SOAT1: variants seen among roughly 807,000 people sequenced by gnomAD.
SOAT1 encodes the protein sterol O-acyltransferase 1, also known as acyl-coenzyme A:cholesterol acyltransferase 1.
A neutral mutation model predicts 69.5 loss-of-function variants in SOAT1; 55 were observed. The observed-to-expected ratio is 0.79, with a 90% CI of 0.64 to 0.99. The LOEUF is 0.99. SOAT1 is among the 50% of genes least tolerant of loss of function. SOAT1 has a pLI of 0.00. For synonymous variants in SOAT1, 231 were observed against 224.7 expected, an observed-to-expected ratio of 1.03 and a Z score of -0.25; for missense variants, 580 against 669.3, an observed-to-expected ratio of 0.87 and a Z score of 1.47.
At chr1:179,295,966 ATTTTTTTTTTTT>A (rs58893158) in intron 1 of SOAT1, among the ~76,000 whole-genome samples, 1 of 51,982 alleles carries the variant, frequency 1.9e-5, no homozygotes, top group African/African-American at 8.7e-5. Flanking sequence ...CGCCCGGCTA[ATTTTTTTTTTTT>A]TTTTTTTTTT....
chr1:179,338,580 G>C (rs555572886), intron 5 of SOAT1, among the ~76,000 whole-genome samples: 6 of 152,276 alleles, frequency 3.9e-5, no homozygotes, highest in Admixed American at 3.9e-4. Context: ...GTAATGTATA[G>C]TGTTAAGTGT....
rs1461597259 is a variant in SOAT1, at chr1:179,350,237, A to C, written c.1315-59A>C. On this transcript the variant is annotated intron_variant, in intron 13 of 15. Coordinates refer to ENST00000367619, the MANE Select transcript of SOAT1 (RefSeq NM_003101.6). ...TGGCATATAATTTTACATCCTATAT[A>C]ATCCATGCTTGCTTTAAATTTTTAA... 2.8e-6 allele frequency: 4 copies of C among 1,445,606 alleles called. No homozygotes were observed. The African/African-American group carries it at 5.7e-5, about 20-fold the overall frequency. 89.5% of individuals were successfully genotyped at this position (1,445,606 alleles called of 1,614,324 possible).
Position 179,345,081 on chromosome 1 carries a change from C to T in SOAT1, c.1117+5C>T, listed in dbSNP as rs767986912. 1.2e-6 allele frequency: 2 copies of T among 1,613,224 alleles called. No homozygotes were observed. The highest frequency in any genetic ancestry group is 1.3e-5 in the African/African-American group (1 of 74,874). ...TATTTAACTCCATCTTGCCAGGTAA[C>T]ATGGGTACTTGTTAATTTGGTCATG... On this transcript the variant is annotated splice_donor_5th_base_variant and intron_variant, in intron 11 of 15. Transcript: ENST00000367619.
At chr1:179,321,041 G>C (rs1665581794) in intron 2 of SOAT1, among the ~76,000 whole-genome samples, 1 of 152,056 alleles carries the variant, frequency 6.6e-6, no homozygotes, top group Admixed American at 6.6e-5. Flanking sequence ...CAAGTAGCTG[G>C]GATTATAGGT....
intron 3 of SOAT1, among the ~76,000 whole-genome samples, chr1:179,331,750 A>C (rs1338056630): frequency 6.6e-6 from 1 of 152,132 alleles, no homozygotes; most frequent in Non-Finnish European, 1.5e-5. Flanking sequence ...CTTTAGAGTG[A>C]ATTATCAGGA....
chr1:179,319,142 G>A (rs1665500739), intron 2 of SOAT1, among the ~76,000 whole-genome samples: 1 of 151,684 alleles, frequency 6.6e-6, no homozygotes, highest in Non-Finnish European at 1.5e-5. Flanking sequence ...CATCCTAGTG[G>A]GTGTGAAATG....
intron 3 of SOAT1, among the ~76,000 whole-genome samples, chr1:179,331,354 A>G (rs1665966179): frequency 6.6e-6 from 1 of 152,186 alleles, no homozygotes; most frequent in South Asian, 2.1e-4. Flanking sequence ...GGGATTTTAA[A>G]GAAGTTGTGT....
In SOAT1 at chr1:179,328,857, AACATGGCAAAACCCTGTGTCT is replaced by A. The variant is rs561805247; in HGVS notation, c.177+5366_177+5386del. ...TCATGAATTCGAGACCAGCCTGGAC[AACATGGCAAAACCCTGTGTCT>A]ACAAAAAATACAAAAAATTTGCTGG... On this transcript the variant is annotated intron_variant, in intron 3 of 15. Transcript: ENST00000367619. Among the ~76,000 whole-genome samples the A allele has an allele frequency of 2.3e-3, 344 of 152,164 alleles. 2 individuals are homozygous for A. The highest frequency in any genetic ancestry group is 7.6e-3 in the African/African-American group (316 of 41,512).
At chr1:179,325,676 T>G (rs1026080861) in intron 3 of SOAT1, among the ~76,000 whole-genome samples, 1 of 152,092 alleles carries the variant, frequency 6.6e-6, no homozygotes, top group Non-Finnish European at 1.5e-5. Context: ...CATTCCTCTA[T>G]TTAAAAACCT....
intron 2 of SOAT1, among the ~76,000 whole-genome samples, chr1:179,311,443 GC>G: frequency 6.6e-6 from 1 of 152,266 alleles, no homozygotes; most frequent in Non-Finnish European, 1.5e-5. Context: ...AAGAAGAGTT[GC>G]AGAAATGGGT....
At chr1:179,308,426 C>A (rs1665095834) in intron 2 of SOAT1, among the ~76,000 whole-genome samples, 2 of 151,984 alleles carry the variant, frequency 1.3e-5, no homozygotes, top group African/African-American at 4.8e-5. Flanking sequence ...AATCCCAGCA[C>A]TTTGGGAGGC....
At chr1:179,303,519 A>C (rs1168568224) in intron 2 of SOAT1, among the ~76,000 whole-genome samples, 1 of 152,232 alleles carries the variant, frequency 6.6e-6, no homozygotes, top group Admixed American at 6.5e-5. Flanking sequence ...TTAGTTAACA[A>C]ATAGGTGCGG....
intron 2 of SOAT1, among the ~76,000 whole-genome samples, chr1:179,314,460 A>T (rs1665324761): frequency 6.6e-6 from 1 of 152,226 alleles, no homozygotes; most frequent in South Asian, 2.1e-4. Flanking sequence ...ACAGCTCCCC[A>T]GGACTGCTGA....
intron 3 of SOAT1, among the ~76,000 whole-genome samples, chr1:179,334,907 C>G (rs188274469): frequency 2.0e-5 from 3 of 149,020 alleles, no homozygotes; most frequent in African/African-American, 7.4e-5. Context: ...CCCAGCTACT[C>G]GGGAATCTGA....
intron 14 of SOAT1, 96 bp downstream of exon 14, chr1:179,350,527 A>G (rs1666689365): frequency 8.7e-7 from 1 of 1,145,106 alleles, no homozygotes; most frequent in Non-Finnish European, 1.2e-6. Context: ...AGAACTAGAT[A>G]GTAGTAGTAA....
chr1:179,337,643 A>G (rs1666203082), intron 4 of SOAT1, among the ~76,000 whole-genome samples, 194 bp from the exon 5 acceptor site: 1 of 152,174 alleles, frequency 6.6e-6, no homozygotes, highest in Admixed American at 6.5e-5. Flanking sequence ...GAAGTAACAT[A>G]CATAAAACTG....
At chr1:179,353,197 G>T in intron 15 of SOAT1, among the ~76,000 whole-genome samples, 2 of 10,730 alleles carry the variant, frequency 1.9e-4, no homozygotes, top group African/African-American at 5.9e-4. Flanking sequence ...TCTAAATGGT[G>T]GTTATATATA....
intron 6 of SOAT1, among the ~76,000 whole-genome samples, chr1:179,339,950 G>A (rs1666277075): frequency 6.6e-6 from 1 of 152,150 alleles, no homozygotes; most frequent in Non-Finnish European, 1.5e-5. Context: ...AGTATTCCAG[G>A]ATGCAAAACA....
chr1:179,342,097 T>G lies in SOAT1; in HGVS notation c.781-17T>G. The stretch of plus-strand genomic sequence containing the variant: ...GACTTTCTTTGAAGAGACATCTTTT[T>G]CCTCCTGCTTTTGTAGATTCGTTTT... On this transcript the variant is annotated splice_polypyrimidine_tract_variant and intron_variant, in intron 7 of 15. Coordinates refer to ENST00000367619, the MANE Select transcript of SOAT1 (RefSeq NM_003101.6). The G allele has an allele frequency of 3.1e-6, 5 of 1,613,330 alleles. No individual in the cohort carries two copies. The highest frequency in any genetic ancestry group is 4.2e-6 in the Non-Finnish European group (5 of 1,179,466).
Sources: gnomAD v4.1 joint callset for allele counts (sites outside exome capture counted in the v4.1 genomes callset) on GRCh38, gnomAD v4.1.1 for gene constraint, MANE v1.5 for transcripts, NCBI Gene and HGNC (gene_info 2026-07-23, HGNC 2026-07-21) for gene names.